NOS1AP: variants seen among roughly 807,000 people sequenced by gnomAD.
The protein encoded by NOS1AP is carboxyl-terminal PDZ ligand of neuronal nitric oxide synthase protein.
NOS1AP carries 21 observed loss-of-function variants against 56.2 expected under a neutral mutation model. The observed-to-expected ratio is 0.37, with a 90% confidence interval of 0.26 to 0.54. The LOEUF (loss-of-function observed/expected upper bound fraction) is 0.54. Ranked by LOEUF, NOS1AP falls within the 20% of genes least tolerant of loss-of-function variation. The pLI, the probability that NOS1AP is intolerant of heterozygous loss-of-function variation, is 0.84. For synonymous variants in NOS1AP, 270 were observed against 274.6 expected (o/e 0.98, Z 0.17); for missense variants, 522 against 657.8 (o/e 0.79, Z 2.26).
At chr1:162,284,437 G>A (rs527459355) in intron 2 of NOS1AP, among the ~76,000 whole-genome samples, 185 of 152,280 alleles carry the variant, frequency 1.2e-3, no homozygotes, top group Non-Finnish European at 1.9e-3. Context: ...TCTGGCAGCC[G>A]TGATGGAACC....
At chr1:162,366,717 G>A (rs1178524308) in intron 9 of NOS1AP, among the ~76,000 whole-genome samples, 1 of 152,122 alleles carries the variant, frequency 6.6e-6, no homozygotes, top group African/African-American at 2.4e-5. Context: ...TTGTACTAAA[G>A]GTTACCACAG....
chr1:162,127,961 C>T lies in NOS1AP; in HGVS notation c.106-26444C>T, dbSNP rs556676324. Among the ~76,000 whole-genome samples, 3 of 152,160 alleles carry T rather than the reference C, an allele frequency of 2.0e-5. No individual in the cohort carries two copies. In the South Asian group the frequency reaches 6.2e-4, roughly 32 times the overall value. On this transcript the variant is annotated intron_variant, in intron 1 of 9. Transcript: ENST00000361897. ...TTTACACCAAAAAAATGATGATTTG[C>T]TTATGTTTTTTTTTGTTTTGCTATG... is the stretch of plus-strand genomic sequence containing the variant.
intron 1 of NOS1AP, among the ~76,000 whole-genome samples, chr1:162,085,999 C>T (rs1452766290): frequency 6.6e-6 from 1 of 152,074 alleles, no homozygotes; most frequent in Non-Finnish European, 1.5e-5. Flanking sequence ...CAATTCTGGA[C>T]AAAAATGAGC....
intron 2 of NOS1AP, among the ~76,000 whole-genome samples, chr1:162,192,790 C>G (rs936100963): frequency 6.6e-6 from 1 of 152,144 alleles, no homozygotes; most frequent in Admixed American, 6.5e-5. Context: ...AATTTTGCAC[C>G]TTTCTGTGTG....
chr1:162,355,398 C>T lies in NOS1AP; in HGVS notation c.762+45C>T, dbSNP rs191839568. The T allele has an allele frequency of 4.3e-6, 7 of 1,610,136 alleles. No individual in the cohort carries two copies. The Admixed American group carries it at 1.2e-4, about 27-fold the overall frequency. ...TCTGTGTGATCTGCACACGTGTGCC[C>T]TCAGGTCATCAGTCACTTCCTAGCC... On this transcript the variant is annotated intron_variant, in intron 7 of 9. Coordinates refer to ENST00000361897, the MANE Select transcript of NOS1AP (RefSeq NM_014697.3).
At chr1:162,149,088 C>T (rs1386155780) in intron 1 of NOS1AP, among the ~76,000 whole-genome samples, 1 of 152,206 alleles carries the variant, frequency 6.6e-6, no homozygotes, top group Non-Finnish European at 1.5e-5. Context: ...TATATTCCTC[C>T]AATTCCCAGG....
At chr1:162,072,259 G>A (rs962084083) in intron 1 of NOS1AP, among the ~76,000 whole-genome samples, 6 of 152,130 alleles carry the variant, frequency 3.9e-5, no homozygotes, top group Non-Finnish European at 7.4e-5. Context: ...ATACATCTTG[G>A]GGGAGCCCAG....
intron 4 of NOS1AP, among the ~76,000 whole-genome samples, chr1:162,329,149 C>G (rs1557880202): frequency 1.3e-5 from 2 of 152,112 alleles, no homozygotes; most frequent in African/African-American, 4.8e-5. Context: ...GATGAATCTG[C>G]AGAAAGGTTT....
At chr1:162,246,901 C>T (rs148882369) in intron 2 of NOS1AP, among the ~76,000 whole-genome samples, 1,625 of 152,192 alleles carry the variant, frequency 0.011, 17 homozygotes, top group Middle Eastern at 0.027. Flanking sequence ...AAATAAAATC[C>T]ATTATAAGGT....
Position 162,324,416 on chromosome 1 carries a change from CTTTTTTTTTTTTT to C in NOS1AP, c.345-8585_345-8573del, listed in dbSNP as rs35946766. On this transcript the variant is annotated intron_variant, in intron 4 of 9. Transcript: ENST00000361897. ...TAGTGGTTTTGTGAGGGACACTAGC[CTTTTTTTTTTTTT>C]TTTTTTTTTTTTTTTGCCTCCCTGT... 2.6e-3 allele frequency among the ~76,000 whole-genome samples: 190 copies of C among 72,148 alleles called. 3 individuals carry two copies. Among genetic ancestry groups the C allele is most frequent in the Admixed American group, 7.9e-3 (50 of 6,304 alleles). The allele number at this position is 72,148 out of a possible 152,430, so 47.3% of individuals were successfully genotyped here.
chr1:162,181,744 A>C (rs1192479998), intron 2 of NOS1AP, among the ~76,000 whole-genome samples: 1 of 152,226 alleles, frequency 6.6e-6, no homozygotes, highest in African/African-American at 2.4e-5. Context: ...ATGGAGCCCA[A>C]AATGCCCAAT....
At chr1:162,071,850 C>T (rs1691665153) in intron 1 of NOS1AP, among the ~76,000 whole-genome samples, 1 of 152,054 alleles carries the variant, frequency 6.6e-6, no homozygotes, top group African/African-American at 2.4e-5. Flanking sequence ...TTGTTTGGTT[C>T]AGCAGTACCC....
intron 2 of NOS1AP, among the ~76,000 whole-genome samples, chr1:162,278,469 T>A (rs1290867779): frequency 1.3e-5 from 2 of 152,320 alleles, no homozygotes; most frequent in Admixed American, 6.5e-5. Flanking sequence ...GTGGGATGTG[T>A]GTGGCAGATA....
intron 8 of NOS1AP, chr1:162,364,939 A>G: frequency 2.0e-6 from 2 of 1,023,570 alleles, no homozygotes; most frequent in Non-Finnish European, 1.2e-6. Flanking sequence ...GGGTCAATAG[A>G]TGAGTTTTGG....
intron 2 of NOS1AP, among the ~76,000 whole-genome samples, chr1:162,160,504 T>C (rs1448203582): frequency 6.6e-6 from 1 of 151,856 alleles, no homozygotes; most frequent in African/African-American, 2.4e-5. Context: ...GCGACTGGAG[T>C]TGTGAGTGCC....
intron 6 of NOS1AP, among the ~76,000 whole-genome samples, chr1:162,352,210 C>A (rs1239707664): frequency 6.6e-6 from 1 of 152,144 alleles, no homozygotes; most frequent in Non-Finnish European, 1.5e-5. Flanking sequence ...CAGGCATGTA[C>A]CACCATGCCC....
chr1:162,262,235 G>C (rs10800394), intron 2 of NOS1AP, among the ~76,000 whole-genome samples: 145,674 of 152,242 alleles, frequency 0.96, 69,776 homozygotes, highest in East Asian at 1. Flanking sequence ...TAAAATTTCA[G>C]CTATGGATAA....
chr1:162,285,703 G>T (rs1655068362), intron 2 of NOS1AP, among the ~76,000 whole-genome samples: 1 of 152,140 alleles, frequency 6.6e-6, no homozygotes, highest in Non-Finnish European at 1.5e-5. Context: ...TTGGCCTGGG[G>T]TTCCTGGGCT....
intron 1 of NOS1AP, among the ~76,000 whole-genome samples, chr1:162,098,102 C>CTTTTTT (rs35307081): frequency 1.1e-3 from 91 of 80,572 alleles, no homozygotes; most frequent in East Asian, 1.4e-3. Flanking sequence ...CTCTCTTTTG[C>CTTTTTT]TTTTTTTTTT....
Sources: gnomAD v4.1 joint callset for allele counts (sites outside exome capture counted in the v4.1 genomes callset) on GRCh38, gnomAD v4.1.1 for gene constraint, MANE v1.5 for transcripts, NCBI Gene and HGNC (gene_info 2026-07-23, HGNC 2026-07-21) for gene names.